Variants in USP2 observed in about 807,000 individuals in gnomAD.
USP2 encodes ubiquitin carboxyl-terminal hydrolase 2.
Under a neutral mutation model 72.0 loss-of-function variants are expected in USP2, and 33 were observed. The observed-to-expected ratio is 0.46, with a 90% confidence interval of 0.35 to 0.61. USP2 has a LOEUF of 0.61. USP2 is among the 20% of genes least tolerant of loss of function. USP2 has a pLI of 0.01. For missense variants in USP2, 691 were observed against 797.8 expected (o/e 0.87, Z 1.61); for synonymous variants, 296 against 312.5 (o/e 0.95, Z 0.56).
At chr11:119,367,150 T>G (rs989331948) in intron 2 of USP2, among the ~76,000 whole-genome samples, 1 of 152,224 alleles carries the variant, frequency 6.6e-6, no homozygotes, top group South Asian at 2.1e-4. Flanking sequence ...TTCTGGCATC[T>G]GAATCTGGCT....
Position 119,371,399 on chromosome 11 carries a change from G to T in USP2, c.774+1308C>A, listed in dbSNP as rs538438424. Among the ~76,000 whole-genome samples, 17 of 152,216 alleles carry T rather than the reference G, an allele frequency of 1.1e-4. No individual in the cohort carries two copies. In the South Asian group the frequency reaches 3.1e-3, roughly 28 times the overall value. ...GAGCTGATACTTCCCCACCATGCCAGCTCTGTTGTGACACATCTCTCTTCT... is the reference window on the plus strand; with the variant it reads ...GAGCTGATACTTCCCCACCATGCCATCTCTGTTGTGACACATCTCTCTTCT... On this transcript the variant is annotated intron_variant, in intron 2 of 12. Coordinates refer to ENST00000260187, the MANE Select transcript of USP2 (RefSeq NM_004205.5).
At chr11:119,373,696 C>T (rs1386649370) in intron 1 of USP2, among the ~76,000 whole-genome samples, 175 bp from the exon 2 acceptor site, 1 of 152,190 alleles carries the variant, frequency 6.6e-6, no homozygotes, top group African/African-American at 2.4e-5. Flanking sequence ...AGCTTGCTTG[C>T]ACCTGTGTGT....
rs1950704369 is a variant in USP2 at position 119,358,225 on chromosome 11, G to A, written c.1265C>T (p.Ser422Leu). The A allele has an allele frequency of 1.2e-6, 2 of 1,613,502 alleles. No homozygotes were observed. Among genetic ancestry groups the A allele is most frequent in the African/African-American group, 1.3e-5 (1 of 75,032 alleles). ...GTAACCACAATCTGTACACGTCAGC[G>A]AGCTCTTTAGCTGCCCAACAAAGAG... is the stretch of plus-strand genomic sequence containing the variant. ...GDLFVGQLKS[S>L]LTCTDCGYCS... The change falls in exon 8 of 13, where the codon TCG becomes TTG. Residue 422 changes from serine (S) to leucine (L), a missense_variant. Ser to Leu is a moderately radical substitution (Grantham distance 145). Coordinates refer to ENST00000260187, the MANE Select transcript of USP2 (RefSeq NM_004205.5).
intron 1 of USP2, among the ~76,000 whole-genome samples, chr11:119,378,626 A>T (rs1951028631): frequency 6.6e-6 from 1 of 152,146 alleles, no homozygotes. Context: ...GGTGGAGAAG[A>T]AGTGGATGGG....
intron 2 of USP2, among the ~76,000 whole-genome samples, chr11:119,363,510 C>T (rs1172795012): frequency 6.6e-6 from 1 of 152,082 alleles, no homozygotes; most frequent in Non-Finnish European, 1.5e-5. Flanking sequence ...GCGTGCTGCC[C>T]TCGCACACCG....
chr11:119,364,196 G>A, intron 2 of USP2: 2 of 1,161,610 alleles, frequency 1.7e-6, no homozygotes, highest in African/African-American at 1.6e-5. Context: ...CGGCTCTCGC[G>A]CTCCGGCCGA....
In USP2 at chr11:119,381,587, CG is replaced by C. The variant is rs1328183187; in HGVS notation, c.-157del. 1.3e-6 allele frequency: 2 copies of C among 1,525,290 alleles called. No homozygotes were observed. The highest frequency in any genetic ancestry group is 8.8e-7 in the Non-Finnish European group (1 of 1,137,416). The allele number at this position is 1,525,290 out of a possible 1,614,324, so 94.5% of individuals were successfully genotyped here. A position where few individuals can be genotyped will look rare whatever the true frequency, so the allele number is the denominator to read the frequency against. On this transcript the variant is annotated 5_prime_UTR_variant, in exon 1 of 13. An upstream open reading frame in the 5' UTR loses its in-frame stop. Transcript: ENST00000260187. Reference sequence around the variant, plus strand: ...GCACCAGCTGACGAAGAGGGCTCCCCGGCCTCGGCTCCTGCCTGACTCTCTC... The same window carrying C: ...GCACCAGCTGACGAAGAGGGCTCCCCGCCTCGGCTCCTGCCTGACTCTCTC...
intron 2 of USP2, among the ~76,000 whole-genome samples, chr11:119,361,835 T>TGCAGTATATGGCTGCAG (rs1950769963): frequency 1.3e-5 from 2 of 152,152 alleles, no homozygotes; most frequent in East Asian, 3.9e-4. Context: ...CTTAGAGAAC[T>TGCAGTATATGGCTGCAG]TGGCTAGGGC....
intron 1 of USP2, chr11:119,376,075 C>T (rs1346443333): frequency 3.1e-6 from 2 of 647,842 alleles, no homozygotes; most frequent in African/African-American, 2.0e-5. Flanking sequence ...TGACTTCTAG[C>T]TACAGTTCCC....
At chr11:119,379,174 A>G (rs1456523952) in intron 1 of USP2, 2 of 985,356 alleles carry the variant, frequency 2.0e-6, no homozygotes, top group Non-Finnish European at 2.4e-6. Context: ...GCAGACTCGC[A>G]GAGATGGCGA....
intron 2 of USP2, chr11:119,363,899 G>C: frequency 4.3e-6 from 6 of 1,380,144 alleles, no homozygotes; most frequent in Non-Finnish European, 5.7e-6. Context: ...AGCAGGGACG[G>C]GGAGAGAGGG....
At chr11:119,356,978 C>A in intron 12 of USP2, 56 bp from the exon 13 acceptor site, 1 of 1,538,856 alleles carries the variant, frequency 6.5e-7, no homozygotes, top group East Asian at 2.4e-5. Flanking sequence ...GACCCCCCGC[C>A]GGCTTCTTTC....
Position 119,369,637 on chromosome 11 carries a change from C to T in USP2, c.774+3070G>A, listed in dbSNP as rs369335154. Among the ~76,000 whole-genome samples the T allele has an allele frequency of 1.8e-4, 28 of 152,282 alleles. No homozygotes were observed. The South Asian group carries it at 5.4e-3, about 29-fold the overall frequency. ...CTTCTGCAGCATTTTATTGATTTCA[C>T]ATTCCTCCACCTTCATTATTTGCTT... On this transcript the variant is annotated intron_variant, in intron 2 of 12. Coordinates refer to ENST00000260187, the MANE Select transcript of USP2 (RefSeq NM_004205.5).
At chr11:119,366,084 G>A (rs4589313) in intron 2 of USP2, among the ~76,000 whole-genome samples, 46,663 of 151,758 alleles carry the variant, frequency 0.31, 7,453 homozygotes, top group East Asian at 0.38. Context: ...TAGTAGAGAC[G>A]GGGTTTCACC....
Position 119,356,367 on chromosome 11 carries a change from C to G in USP2, c.*468G>C, listed in dbSNP as rs1950650909. On this transcript the variant is annotated 3_prime_UTR_variant, in exon 13 of 13. Coordinates refer to ENST00000260187, the MANE Select transcript of USP2 (RefSeq NM_004205.5). Reference sequence around the variant, plus strand: ...TGGAGTTAGCAGCGTGAAGAGGGCTCTTGGCTCATGGCTCTGGACCGGCGA... The same window carrying G: ...TGGAGTTAGCAGCGTGAAGAGGGCTGTTGGCTCATGGCTCTGGACCGGCGA... The G allele has an allele frequency of 1.9e-5, 3 of 157,830 alleles. No individual in the cohort carries two copies. Among genetic ancestry groups the G allele is most frequent in the Non-Finnish European group, 2.8e-5 (2 of 71,624 alleles). The allele number at this position is 157,830 out of a possible 1,614,324, so 9.8% of individuals were successfully genotyped here.
chr11:119,358,114 G>A, intron 8 of USP2, 35 bp downstream of exon 8: 1 of 1,614,128 alleles, frequency 6.2e-7, no homozygotes, highest in African/African-American at 1.3e-5. Flanking sequence ...GGACAGGAGA[G>A]GGAGTTCAAC....
intron 3 of USP2, 87 bp from the exon 4 acceptor site, chr11:119,359,747 C>G: frequency 6.5e-7 from 1 of 1,543,238 alleles, no homozygotes; most frequent in Non-Finnish European, 8.8e-7. Context: ...TCTGGTTCAT[C>G]TACCTAGAAT....
intron 2 of USP2, chr11:119,363,910 G>A (rs1457167082): frequency 7.4e-7 from 1 of 1,345,922 alleles, no homozygotes; most frequent in Non-Finnish European, 9.6e-7. Context: ...GGAGAGAGGG[G>A]AGCGCGGCCG....
At chr11:119,369,992 A>C (rs1214647017) in intron 2 of USP2, among the ~76,000 whole-genome samples, 1 of 152,134 alleles carries the variant, frequency 6.6e-6, no homozygotes, top group East Asian at 1.9e-4. Flanking sequence ...CCTGGCCAAC[A>C]TGGTGAAACC....
Sources: gnomAD v4.1 joint callset for allele counts (sites outside exome capture counted in the v4.1 genomes callset) on GRCh38, gnomAD v4.1.1 for gene constraint, MANE v1.5 for transcripts, NCBI Gene and HGNC (gene_info 2026-07-23, HGNC 2026-07-21) for gene names.